TF: variants seen among roughly 807,000 people sequenced by gnomAD.
TF encodes the protein transferrin.
In TF, 55 loss-of-function variants were observed where a neutral mutation model predicts 82.4. The observed-to-expected ratio is 0.67, with a 90% confidence interval of 0.54 to 0.84. The LOEUF (loss-of-function observed/expected upper bound fraction) is 0.84. TF is among the 40% of genes least tolerant of loss of function. The probability of loss-of-function intolerance (pLI) is 0.00; values close to 1 mark genes in which losing one functional copy is unlikely to be tolerated. For synonymous variants in TF, 332 were observed against 332.6 expected (o/e 1.00, Z 0.02); for missense variants, 737 against 868.4 (o/e 0.85, Z 1.90).
At chr3:133,746,388 G>T (rs1035156976), upstream of TF, 2 of 1,565,506 alleles carry the variant, frequency 1.3e-6, no homozygotes, top group Non-Finnish European at 1.7e-6. Context: ...GGCGCCGGAG[G>T]CTGCACAGAA....
intron 13 of TF, among the ~76,000 whole-genome samples, chr3:133,769,243 G>C (rs1041390581): frequency 2.6e-5 from 4 of 152,196 alleles, no homozygotes; most frequent in Non-Finnish European, 5.9e-5. Flanking sequence ...TTTCCAGTTA[G>C]AGCCACTTTG....
the TF span, among the ~76,000 whole-genome samples, chr3:133,736,491 G>T: frequency 6.6e-6 from 1 of 152,040 alleles, no homozygotes; most frequent in African/African-American, 2.4e-5. Context: ...GTGCCCCCCA[G>T]TTAAAAGACA....
the TF span, among the ~76,000 whole-genome samples, chr3:133,684,626 C>T: frequency 7.2e-5 from 11 of 152,260 alleles, no homozygotes; most frequent in East Asian, 2.1e-3. Context: ...AATTCCTGGA[C>T]ACATACCCCC....
In TF at chr3:133,764,213, G is replaced by C. The variant is rs41295792; in HGVS notation, c.1235G>C (p.Gly412Ala). The part of the protein sequence containing the change: ...NGEADAMSLD[G>A]GFVYIAGKCG... The stretch of plus-strand genomic sequence containing the variant: ...GAAGCTGATGCCATGAGCTTGGATG[G>C]AGGGTTTGTCTACATAGCGGGCAAG... The change falls in exon 10 of 17, where the codon GGA becomes GCA. Residue 412 changes from glycine (G) to alanine (A), a missense_variant. Transcript: ENST00000402696. 1.9e-6 allele frequency: 3 copies of C among 1,613,992 alleles called. No homozygotes were observed. The African/African-American group carries it at 4.0e-5, about 22-fold the overall frequency.
chr3:133,666,149 G>A, the TF span, among the ~76,000 whole-genome samples: 3 of 152,054 alleles, frequency 2.0e-5, no homozygotes, highest in Non-Finnish European at 4.4e-5. Flanking sequence ...GAATAAATAC[G>A]TATAAATAAA....
At chr3:133,738,433 A>G in the TF span, among the ~76,000 whole-genome samples, 1 of 152,212 alleles carries the variant, frequency 6.6e-6, no homozygotes, top group Non-Finnish European at 1.5e-5. Flanking sequence ...TCCCACTCCT[A>G]TTCAACATAG....
At chr3:133,755,785 A>G (rs1933809383) in intron 5 of TF, 1 of 508,980 alleles carries the variant, frequency 2.0e-6, no homozygotes. Flanking sequence ...AGAGCCTGAA[A>G]GGACAATCAT....
chr3:133,714,003 A>G, the TF span, among the ~76,000 whole-genome samples: 1 of 152,228 alleles, frequency 6.6e-6, no homozygotes, highest in Non-Finnish European at 1.5e-5. Flanking sequence ...AAGGGAGGTG[A>G]TGCATCAGCA....
At chr3:133,768,185 A>C in intron 13 of TF, 21 bp downstream of exon 13, 1 of 1,614,092 alleles carries the variant, frequency 6.2e-7, no homozygotes, top group Non-Finnish European at 8.5e-7. Context: ...TAACCCTGAA[A>C]CAAATAGAAT....
At chr3:133,711,120 A>G in the TF span, among the ~76,000 whole-genome samples, 4 of 152,154 alleles carry the variant, frequency 2.6e-5, no homozygotes, top group Non-Finnish European at 5.9e-5. Flanking sequence ...CCATTTCCCA[A>G]TCTAGTTAAG....
the TF span, among the ~76,000 whole-genome samples, chr3:133,672,801 GAGAGAA>G: frequency 2.7e-4 from 40 of 147,692 alleles, no homozygotes; most frequent in African/African-American, 9.4e-4. Context: ...AAGGAAAGAA[GAGAGAA>G]AGAGAAAGAA....
At chr3:133,692,236 T>G in the TF span, among the ~76,000 whole-genome samples, 1 of 152,144 alleles carries the variant, frequency 6.6e-6, no homozygotes, top group South Asian at 2.1e-4. Context: ...GAGGAGAGGT[T>G]TGGGGGAGTC....
At chr3:133,741,375 TA>T (rs1468830947), upstream of TF, among the ~76,000 whole-genome samples, 2 of 152,194 alleles carry the variant, frequency 1.3e-5, no homozygotes, top group Non-Finnish European at 2.9e-5. Context: ...GATGAGAATT[TA>T]TTTTTTTCCT....
chr3:133,736,068 A>G, the TF span, among the ~76,000 whole-genome samples: 3 of 152,368 alleles, frequency 2.0e-5, no homozygotes, highest in South Asian at 4.1e-4. Flanking sequence ...AGGTTGGGTT[A>G]CCCACAAAGG....
intron 2 of TF, among the ~76,000 whole-genome samples, chr3:133,749,168 A>G (rs4075352): frequency 0.42 from 64,142 of 151,884 alleles, 13,772 homozygotes; most frequent in South Asian, 0.49. Context: ...CTCAAAATAA[A>G]TAAATAAATA....
chr3:133,715,683 GT>G, the TF span, among the ~76,000 whole-genome samples: 1 of 152,092 alleles, frequency 6.6e-6, no homozygotes, highest in Non-Finnish European at 1.5e-5. Flanking sequence ...CCAGGACCCA[GT>G]TTAAGAATCT....
the TF span, among the ~76,000 whole-genome samples, chr3:133,704,482 A>G: frequency 9.8e-5 from 15 of 152,324 alleles, no homozygotes; most frequent in East Asian, 2.9e-3. Flanking sequence ...AGCCAGAAAC[A>G]ATTAAGATAT....
chr3:133,674,187 T>C, the TF span, among the ~76,000 whole-genome samples: 1 of 152,134 alleles, frequency 6.6e-6, no homozygotes, highest in Admixed American at 6.5e-5. Context: ...CCCTAAGCTT[T>C]TGTATTTTTG....
the TF span, among the ~76,000 whole-genome samples, chr3:133,734,278 G>A: frequency 6.6e-6 from 1 of 152,206 alleles, no homozygotes; most frequent in Non-Finnish European, 1.5e-5. Flanking sequence ...TCTAAATACC[G>A]TTCTCCACTA....
Sources: allele counts gnomAD v4.1 joint callset (sites outside exome capture counted in the v4.1 genomes callset), GRCh38; gene constraint gnomAD v4.1.1; transcripts MANE v1.5; gene names NCBI Gene and HGNC (gene_info 2026-07-23, HGNC 2026-07-21).